The following PPP2R2C variants were observed in gnomAD, a reference collection of about 807,000 sequenced individuals.
PPP2R2C encodes protein phosphatase 2 regulatory subunit Bgamma, also known as protein phosphatase 2, regulatory subunit B, gamma.
In PPP2R2C, 10 loss-of-function variants were observed where a neutral mutation model predicts 45.3. The ratio of observed to expected loss-of-function variants is 0.22; its 90% CI spans 0.14 to 0.37. The LOEUF (loss-of-function observed/expected upper bound fraction) is 0.37, where lower values mean the gene tolerates loss of function less well. Among genes scored for constraint, PPP2R2C ranks in the 10% least tolerant of loss-of-function variants. The pLI is 1.00. For synonymous variants in PPP2R2C, 257 were observed against 245.4 expected (o/e 1.05, Z -0.44); for missense variants, 308 against 619.7 (o/e 0.50, Z 5.34).
intron 1 of PPP2R2C, among the ~76,000 whole-genome samples, chr4:6,400,666 A>G (rs1717358084): frequency 6.6e-6 from 1 of 152,238 alleles, no homozygotes; most frequent in African/African-American, 2.4e-5. Flanking sequence ...GCGTCTATTG[A>G]TGTAAGCAAC....
intron 1 of PPP2R2C, among the ~76,000 whole-genome samples, chr4:6,424,324 G>T (rs181386345): frequency 1.1e-3 from 172 of 152,366 alleles, no homozygotes; most frequent in African/African-American, 4.0e-3. Context: ...TCCTGCGTGA[G>T]CTGACGGTTC....
At position 6,440,593 on chromosome 4, in the gene PPP2R2C, T is replaced by C. The variant is rs557897618; in HGVS notation, c.70+31567A>G. Among the ~76,000 whole-genome samples the C allele has an allele frequency of 1.2e-4, 19 of 152,330 alleles. No individual in the cohort carries two copies. In the East Asian group the frequency reaches 1.9e-3, roughly 15 times the overall value. On this transcript the variant is annotated intron_variant, in intron 1 of 8. Transcript: ENST00000382599. ...CAGGCTGGTCTCTGGACCCAACCAA[T>C]TGGGAGACCCAAGATGATGGACCCT...
Position 6,470,879 on chromosome 4 carries a change from G to A in PPP2R2C, c.70+1281C>T, listed in dbSNP as rs1334857210. On this transcript the variant is annotated intron_variant, in intron 1 of 8. Coordinates refer to ENST00000382599, the MANE Select transcript of PPP2R2C (RefSeq NM_020416.4). ...TCAGCGGTTCTCCCGCCGGGAGCGG[G>A]CGCGGCCCCCGCAGCCTCCCTCCGC... Among the ~76,000 whole-genome samples the A allele has an allele frequency of 2.0e-5, 3 of 151,994 alleles. No homozygotes were observed. In the South Asian group the frequency reaches 6.2e-4, roughly 32 times the overall value.
chr4:6,440,241 T>A (rs1287981281), intron 1 of PPP2R2C, among the ~76,000 whole-genome samples: 2 of 152,228 alleles, frequency 1.3e-5, no homozygotes, highest in African/African-American at 2.4e-5. Context: ...GTTGGATGCG[T>A]GCGCAGATGG....
intron 1 of PPP2R2C, chr4:6,381,388 GACTC>G: frequency 6.9e-7 from 1 of 1,458,610 alleles, no homozygotes; most frequent in Non-Finnish European, 9.1e-7. Flanking sequence ...CACTCTATGG[GACTC>G]ACGGTGGTAT....
intron 1 of PPP2R2C, among the ~76,000 whole-genome samples, chr4:6,449,861 G>A (rs557492501): frequency 3.8e-4 from 58 of 152,302 alleles, no homozygotes; most frequent in Admixed American, 2.0e-3. Context: ...AGAGGCACAC[G>A]GTTCCCAGAG....
chr4:6,478,447 G>A (rs1380800013), intron 2 of PPP2R2C, among the ~76,000 whole-genome samples: 1 of 152,114 alleles, frequency 6.6e-6, no homozygotes, highest in Non-Finnish European at 1.5e-5. Context: ...TTTTTTCACT[G>A]ACTCAGGATC....
intron 2 of PPP2R2C, among the ~76,000 whole-genome samples, chr4:6,496,803 G>C (rs1722892482): frequency 6.6e-6 from 1 of 152,012 alleles, no homozygotes; most frequent in African/African-American, 2.4e-5. Flanking sequence ...GGAGGTTGCA[G>C]TGAGCCGAGA....
intron 5 of PPP2R2C, among the ~76,000 whole-genome samples, chr4:6,353,210 T>C (rs1712725214): frequency 6.6e-6 from 1 of 151,374 alleles, no homozygotes; most frequent in Non-Finnish European, 1.5e-5. Context: ...TTCCTGGGAG[T>C]TGGGAAATAA....
intron 1 of PPP2R2C, chr4:6,384,773 C>A: frequency 1.0e-6 from 1 of 985,462 alleles, no homozygotes; most frequent in Non-Finnish European, 1.2e-6. Context: ...CCAGCCCCTG[C>A]GGGAGACACT....
Position 6,329,249 on chromosome 4 carries a change from G to A in PPP2R2C, c.1052+13C>T, listed in dbSNP as rs763798868. 44 of 1,611,648 alleles carry A rather than the reference G, an allele frequency of 2.7e-5. 1 individual carries two copies. The highest frequency in any genetic ancestry group is 2.6e-4 in the South Asian group (24 of 90,964). On this transcript the variant is annotated intron_variant, in intron 8 of 8. Transcript: ENST00000382599. This position sits in a 1 kb window ranked among gnomAD's most constrained non-coding sequence, Gnocchi z 5.8. ...TACGGTGAGGTGAGGTGCGGGCTGA[G>A]GTCAGGGCTTACCTGTCGCTCCCGT... is the stretch of plus-strand genomic sequence containing the variant.
chr4:6,547,831 A>C (rs1020832908), intron 1 of PPP2R2C, among the ~76,000 whole-genome samples: 2 of 152,198 alleles, frequency 1.3e-5, no homozygotes, highest in African/African-American at 4.8e-5. Context: ...ACACACCTAC[A>C]TGTGAAGCCT....
intron 1 of PPP2R2C, among the ~76,000 whole-genome samples, chr4:6,558,570 C>G (rs1369788481): frequency 6.6e-6 from 1 of 152,224 alleles, no homozygotes; most frequent in African/African-American, 2.4e-5. Context: ...CTGATCAACT[C>G]TGTGCTTGGG....
intron 2 of PPP2R2C, among the ~76,000 whole-genome samples, chr4:6,515,430 T>C (rs547656306): frequency 1.3e-5 from 2 of 152,288 alleles, no homozygotes; most frequent in East Asian, 1.9e-4. Flanking sequence ...GCCTGGAAGT[T>C]AACACTGATG....
At chr4:6,562,853 C>T (rs967158397) in intron 1 of PPP2R2C, among the ~76,000 whole-genome samples, 2 of 151,664 alleles carry the variant, frequency 1.3e-5, no homozygotes, top group South Asian at 2.1e-4. Context: ...TGGGACCCTC[C>T]GCATAAAAGC....
At chr4:6,558,311 C>A (rs927657853) in intron 1 of PPP2R2C, among the ~76,000 whole-genome samples, 1 of 152,170 alleles carries the variant, frequency 6.6e-6, no homozygotes. Context: ...CTTAAGGGGC[C>A]CCATCCCCTT....
At position 6,330,814 on chromosome 4, in the gene PPP2R2C, CACAGGATGGTTAGACAAGGCTACCTG is replaced by C; in HGVS notation, c.961-1487_961-1462del. On this transcript the variant is annotated intron_variant, in intron 7 of 8. Coordinates refer to ENST00000382599, the MANE Select transcript of PPP2R2C (RefSeq NM_020416.4). This position sits in a 1 kb window ranked among gnomAD's most constrained non-coding sequence, Gnocchi z 7.0. ...GAGGAAGGGCCTGCTATTCACTGCA[CACAGGATGGTTAGACAAGGCTACCTG>C]ACTCCCGCCTGGGGCCCTGCTCATC... 6.6e-6 allele frequency among the ~76,000 whole-genome samples: 1 copy of C among 152,278 alleles called. No individual in the cohort carries two copies. The highest frequency in any genetic ancestry group is 1.9e-4 in the East Asian group (1 of 5,178).
At chr4:6,352,205 G>A (rs1022345687) in intron 5 of PPP2R2C, among the ~76,000 whole-genome samples, 2 of 151,940 alleles carry the variant, frequency 1.3e-5, no homozygotes, top group East Asian at 1.9e-4. Context: ...GAGGGCCCCC[G>A]GCTGGGCGTC....
chr4:6,494,089 C>T (rs778613368), intron 2 of PPP2R2C, among the ~76,000 whole-genome samples: 3 of 152,210 alleles, frequency 2.0e-5, no homozygotes, highest in Non-Finnish European at 2.9e-5. Context: ...GTCTTTTGTG[C>T]TTTCTTGGCA....
Sources: gnomAD v4.1 joint callset for allele counts (sites outside exome capture counted in the v4.1 genomes callset) on GRCh38, gnomAD v4.1.1 for gene constraint, Gnocchi (gnomAD v3.1) non-coding constraint, MANE v1.5 for transcripts, NCBI Gene and HGNC (gene_info 2026-07-23, HGNC 2026-07-21) for gene names.